WWOX: variants seen among roughly 807,000 people sequenced by gnomAD.
The protein encoded by WWOX is WW domain containing oxidoreductase, also known as WW domain-containing oxidoreductase.
Under a neutral mutation model 46.2 loss-of-function variants are expected in WWOX, and 69 were observed. The observed-to-expected ratio is 1.49, with a 90% CI of 1.23 to 1.82. The LOEUF (loss-of-function observed/expected upper bound fraction) is 1.82, where lower values mean the gene tolerates loss of function less well. Ranked by LOEUF, WWOX falls within the 40% of genes most tolerant of loss-of-function variation. The probability of loss-of-function intolerance (pLI) is 0.00; values close to 1 mark genes in which losing one functional copy is unlikely to be tolerated. For synonymous variants in WWOX, 359 were observed against 202.6 expected (o/e 1.77, Z -6.56); for missense variants, 919 against 542.6 (o/e 1.69, Z -6.89).
intron 8 of WWOX, among the ~76,000 whole-genome samples, chr16:78,459,204 A>G (rs2083895128): frequency 6.6e-6 from 1 of 152,212 alleles, no homozygotes; most frequent in African/African-American, 2.4e-5. Flanking sequence ...TAATTTAGAG[A>G]TTAAGAAGCC....
intron 5 of WWOX, among the ~76,000 whole-genome samples, chr16:78,328,390 A>C (rs777966205): frequency 1.6e-4 from 25 of 152,226 alleles, no homozygotes; most frequent in Non-Finnish European, 3.5e-4. Context: ...AAAATTTAGA[A>C]TCCTTCAACA....
intron 5 of WWOX, among the ~76,000 whole-genome samples, chr16:78,366,545 G>T (rs529184409): frequency 1.3e-5 from 2 of 152,288 alleles, no homozygotes; most frequent in African/African-American, 4.8e-5. Context: ...TTCTAAAATA[G>T]TGGTCAACTA....
intron 8 of WWOX, among the ~76,000 whole-genome samples, chr16:78,827,173 A>T (rs1244404110): frequency 6.6e-6 from 1 of 152,192 alleles, no homozygotes; most frequent in Non-Finnish European, 1.5e-5. Context: ...TGCAAAGTAC[A>T]TAGGCATCAA....
chr16:79,198,478 A>T (rs1335496023), intron 8 of WWOX, among the ~76,000 whole-genome samples: 3 of 152,224 alleles, frequency 2.0e-5, no homozygotes, highest in Admixed American at 2.0e-4. Flanking sequence ...ATGGGCAATT[A>T]AAGCCCTGGC....
intron 6 of WWOX, among the ~76,000 whole-genome samples, chr16:78,409,359 A>C (rs889164721): frequency 2.0e-5 from 3 of 152,146 alleles, no homozygotes; most frequent in African/African-American, 7.2e-5. Flanking sequence ...TCTGTGCCTT[A>C]CTGTAGTCAT....
chr16:78,314,420 A>G (rs2080313219), intron 5 of WWOX, among the ~76,000 whole-genome samples: 1 of 151,046 alleles, frequency 6.6e-6, no homozygotes, highest in Non-Finnish European at 1.5e-5. Context: ...AAAAAAAAAA[A>G]AAAGTACAGG....
At chr16:78,956,982 A>C (rs1282342978) in intron 8 of WWOX, among the ~76,000 whole-genome samples, 1 of 152,154 alleles carries the variant, frequency 6.6e-6, no homozygotes, top group Non-Finnish European at 1.5e-5. Context: ...CTTCGGTGAG[A>C]ACAAATTTCC....
chr16:78,852,020 G>T (rs916998795), intron 8 of WWOX, among the ~76,000 whole-genome samples: 1 of 152,058 alleles, frequency 6.6e-6, no homozygotes, highest in African/African-American at 2.4e-5. Context: ...GTATAATACT[G>T]GCCCCACAAT....
At chr16:78,541,098 T>C (rs1390958175) in intron 8 of WWOX, among the ~76,000 whole-genome samples, 1 of 152,146 alleles carries the variant, frequency 6.6e-6, no homozygotes, top group Admixed American at 6.5e-5. Context: ...ACCTAATATA[T>C]TTTGAGACCT....
intron 8 of WWOX, among the ~76,000 whole-genome samples, chr16:78,617,670 C>G (rs2046061155): frequency 1.3e-5 from 2 of 152,098 alleles, no homozygotes; most frequent in African/African-American, 4.8e-5. Flanking sequence ...TTGCATGGCG[C>G]TCAGGTATTC....
intron 8 of WWOX, among the ~76,000 whole-genome samples, chr16:79,070,078 C>T (rs957843906): frequency 6.6e-6 from 1 of 152,136 alleles, no homozygotes; most frequent in Admixed American, 6.5e-5. Flanking sequence ...TTTGATAGTT[C>T]CTCCTCAAGA....
At chr16:78,527,218 C>G (rs959803832) in intron 8 of WWOX, among the ~76,000 whole-genome samples, 1 of 151,752 alleles carries the variant, frequency 6.6e-6, no homozygotes, top group African/African-American at 2.4e-5. Context: ...AACCTAAGGA[C>G]GACTTTGAAT....
chr16:78,632,033 T>A (rs1567450424), intron 8 of WWOX, among the ~76,000 whole-genome samples: 1 of 146,158 alleles, frequency 6.8e-6, no homozygotes, highest in African/African-American at 2.6e-5. Flanking sequence ...AATTTTTTCT[T>A]AAAAAAAATA....
chr16:79,166,677 A>C (rs981304543), intron 8 of WWOX, among the ~76,000 whole-genome samples: 5 of 152,212 alleles, frequency 3.3e-5, no homozygotes, highest in African/African-American at 7.2e-5. Flanking sequence ...GAGCTAACCA[A>C]GGCACATGGT....
chr16:79,059,201 A>C (rs2048317708), intron 8 of WWOX, among the ~76,000 whole-genome samples: 1 of 152,236 alleles, frequency 6.6e-6, no homozygotes, highest in Non-Finnish European at 1.5e-5. Context: ...TTTCATCCTA[A>C]AACTCCATGA....
At chr16:78,324,254 C>T (rs946104783) in intron 5 of WWOX, among the ~76,000 whole-genome samples, 1 of 152,088 alleles carries the variant, frequency 6.6e-6, no homozygotes, top group Non-Finnish European at 1.5e-5. Context: ...TACTGCTCAA[C>T]TCACAGTTGA....
chr16:78,261,774 ATCTATC>A (rs1360043747), intron 5 of WWOX, among the ~76,000 whole-genome samples: 680 of 45,694 alleles, frequency 0.015, 9 homozygotes, highest in Middle Eastern at 0.049. Context: ...CTATCTATGT[ATCTATC>A]TATCTATCTA....
chr16:78,359,317 T>C (rs1481835180), intron 5 of WWOX, among the ~76,000 whole-genome samples: 1 of 152,208 alleles, frequency 6.6e-6, no homozygotes, highest in Non-Finnish European at 1.5e-5. Context: ...GTTTTAGCAT[T>C]TTACATAAAA....
chr16:78,667,983 A>C (rs2047372269), intron 8 of WWOX, among the ~76,000 whole-genome samples: 1 of 152,074 alleles, frequency 6.6e-6, no homozygotes, highest in Non-Finnish European at 1.5e-5. Flanking sequence ...CTAGCCATCA[A>C]AACCATACAA....
Sources: gnomAD v4.1 joint callset for allele counts (sites outside exome capture counted in the v4.1 genomes callset) on GRCh38, gnomAD v4.1.1 for gene constraint, MANE v1.5 for transcripts, NCBI Gene and HGNC (gene_info 2026-07-23, HGNC 2026-07-21) for gene names.